Variants in GRIN2D observed in about 807,000 individuals in gnomAD.
GRIN2D encodes glutamate receptor ionotropic, NMDA 2D.
Under a neutral mutation model 103.2 loss-of-function variants are expected in GRIN2D, and 37 were observed. The ratio of observed to expected loss-of-function variants is 0.36; its 90% CI spans 0.28 to 0.47. The LOEUF (loss-of-function observed/expected upper bound fraction) is 0.47, where lower values mean the gene tolerates loss of function less well. Ranked by LOEUF, GRIN2D falls within the 20% of genes least tolerant of loss-of-function variation. GRIN2D has a pLI of 1.00. For synonymous variants in GRIN2D, 845 were observed against 885.6 expected (o/e 0.95, Z 0.81); for missense variants, 1,557 against 1,910.6 (o/e 0.81, Z 3.45).
intron 11 of GRIN2D, among the ~76,000 whole-genome samples, chr19:48,423,735 G>A (rs1488887426): frequency 6.6e-6 from 1 of 152,192 alleles, no homozygotes; most frequent in African/African-American, 2.4e-5. Flanking sequence ...ATGAGGCCAA[G>A]GTCAGGGCTG....
intron 11 of GRIN2D, among the ~76,000 whole-genome samples, chr19:48,425,254 T>A (rs981941720): frequency 1.3e-5 from 2 of 152,136 alleles, no homozygotes; most frequent in African/African-American, 4.8e-5. Context: ...CCCATTTTCT[T>A]TTTTTGAGAT....
chr19:48,444,110 G>C lies in GRIN2D; in HGVS notation c.*173G>C. 1 of 445,950 alleles carries C rather than the reference G, an allele frequency of 2.2e-6. No individual in the cohort carries two copies. Among genetic ancestry groups the C allele is most frequent in the Non-Finnish European group, 3.9e-6 (1 of 256,688 alleles). The allele number at this position is 445,950 out of a possible 1,614,324, so 27.6% of individuals were successfully genotyped here. A position where few individuals can be genotyped will look rare whatever the true frequency, so the allele number is the denominator to read the frequency against. On this transcript the variant is annotated 3_prime_UTR_variant, in exon 14 of 14. Transcript: ENST00000263269. This position sits in a 1 kb window ranked among gnomAD's most constrained non-coding sequence, Gnocchi z 5.5. ...TTCTGGAGGAACCGCAAGCCGGAGA[G>C]GATTTGGTCCCTCAACTATCACCCA...
rs187671288 is a variant in GRIN2D, at chr19:48,408,363, G to A, written c.1085+3010G>A. ...AAAAAAAAAAAAAAATCTGGGCGTG[G>A]TAGTGTGTGCCTGTAGTCCTAGCTA... is the stretch of plus-strand genomic sequence containing the variant. On this transcript the variant is annotated intron_variant, in intron 4 of 13. Coordinates refer to ENST00000263269, the MANE Select transcript of GRIN2D (RefSeq NM_000836.4). Among the ~76,000 whole-genome samples, 532 of 151,290 alleles carry A rather than the reference G, an allele frequency of 3.5e-3. 6 individuals carry two copies. The highest frequency in any genetic ancestry group is 6.8e-3 in the Middle Eastern group (2 of 294).
chr19:48,421,950 G>A lies in GRIN2D; in HGVS notation c.2252+5G>A. 6.2e-7 allele frequency: 1 copy of A among 1,613,094 alleles called. No individual in the cohort carries two copies. The highest frequency in any genetic ancestry group is 8.5e-7 in the Non-Finnish European group (1 of 1,179,454). On this transcript the variant is annotated splice_donor_5th_base_variant and intron_variant, in intron 11 of 13. Transcript: ENST00000263269. The surrounding 1 kb of genome is among the most constrained non-coding windows in gnomAD (Gnocchi z 4.8). ...GCTCACTCAGCTCAAGGCAGGGTCA[G>A]CGCAGACTCGGGCCGGGGGTGGGGG...
Position 48,443,499 on chromosome 19 carries a change from G to T in GRIN2D, c.3573G>T (p.Pro1191=). 1 of 1,358,732 alleles carries T rather than the reference G, an allele frequency of 7.4e-7. No homozygotes were observed. The allele number at this position is 1,358,732 out of a possible 1,614,324, so 84.2% of individuals were successfully genotyped here. The change falls in exon 14 of 14, where the codon CCG becomes CCT. Residue 1191 remains proline, a synonymous_variant. Coordinates refer to ENST00000263269, the MANE Select transcript of GRIN2D (RefSeq NM_000836.4). This position sits in a 1 kb window ranked among gnomAD's most constrained non-coding sequence, Gnocchi z 8.9. The part of the protein sequence containing the change: ...RHCASLELLP[P]PRHLSCSHDG... ...GCGCCAGCCTGGAGCTGCTGCCGCC[G>T]CCGCGCCATCTCAGCTGCTCGCACG...
rs752857170 is a variant in GRIN2D, at chr19:48,443,203, C to T, written c.3277C>T (p.Pro1093Ser). 15 of 1,224,362 alleles carry T rather than the reference C, an allele frequency of 1.2e-5. No individual in the cohort carries two copies. Among genetic ancestry groups the T allele is most frequent in the East Asian group, 3.5e-5 (1 of 28,730 alleles). The allele number at this position is 1,224,362 out of a possible 1,614,324, so 75.8% of individuals were successfully genotyped here. ...GGAGGGAPAA[P>S]PPCRAAPPPC... ...CGCAGGCGGAGGAGCCCCGGCCGCT[C>T]CGCCCCCGTGCCGCGCCGCGCCGCC... is the stretch of plus-strand genomic sequence containing the variant. Residue 1093 changes from proline (P) to serine (S), a missense_variant, in exon 14 of 14, where the codon CCG (proline) becomes TCG (serine). By Grantham distance (74) the Pro-to-Ser change is moderately conservative. This residue lies in a region of GRIN2D where 632 missense variants were observed against 572.8 expected (regional missense o/e 1.10). Coordinates refer to ENST00000263269, the MANE Select transcript of GRIN2D (RefSeq NM_000836.4). The surrounding 1 kb of genome is among the most constrained non-coding windows in gnomAD (Gnocchi z 8.9).
rs201492347 is a variant in GRIN2D at position 48,405,153 on chromosome 19, A to G, written c.885A>G (p.Pro295=). The change falls in exon 4 of 14, where the codon CCA becomes CCG. Residue 295 remains proline (P), a synonymous_variant. Coordinates refer to ENST00000263269, the MANE Select transcript of GRIN2D (RefSeq NM_000836.4). The surrounding 1 kb of genome is among the most constrained non-coding windows in gnomAD (Gnocchi z 5.1). ...CCCCTGGTGAGCCCCCTCTTCTGCC[A>G]GGAGGCGCCCCCCTGCCTGCCGGGC... ...SGAPGEPPLL[P]GGAPLPAGLF... The G allele has an allele frequency of 1.2e-4, 193 of 1,575,992 alleles. No homozygotes were observed. The East Asian group carries it at 4.4e-3, about 36-fold the overall frequency.
chr19:48,412,237 G>T (rs2147448139), intron 4 of GRIN2D, among the ~76,000 whole-genome samples: 1 of 151,976 alleles, frequency 6.6e-6, no homozygotes, highest in African/African-American at 2.4e-5. Context: ...GCTGAGGCAG[G>T]AGAATGGCGT....
rs1971016799 is a variant in GRIN2D, at chr19:48,421,090, T to A, written c.2092-695T>A. On this transcript the variant is annotated intron_variant, in intron 10 of 13. Coordinates refer to ENST00000263269, the MANE Select transcript of GRIN2D (RefSeq NM_000836.4). This position sits in a 1 kb window ranked among gnomAD's most constrained non-coding sequence, Gnocchi z 4.8. Reference sequence around the variant, plus strand: ...CATTTTTTAATGGAATGGAGTAGAATAGAATAGTTGCCTGCATCTTATGTA... The same window carrying A: ...CATTTTTTAATGGAATGGAGTAGAAAAGAATAGTTGCCTGCATCTTATGTA... Among the ~76,000 whole-genome samples, 1 of 152,142 alleles carries A rather than the reference T, an allele frequency of 6.6e-6. No individual in the cohort carries two copies.
Position 48,421,705 on chromosome 19 carries a change from C to T in GRIN2D, c.2092-80C>T. On this transcript the variant is annotated intron_variant, in intron 10 of 13. Transcript: ENST00000263269. This position sits in a 1 kb window ranked among gnomAD's most constrained non-coding sequence, Gnocchi z 4.8. ...TGGGACTGGGGTGTCTGCCAGATAGCGGGTGTGTCTCAGAATGGGTGATTT... is the reference window on the plus strand; with the variant it reads ...TGGGACTGGGGTGTCTGCCAGATAGTGGGTGTGTCTCAGAATGGGTGATTT... 7.8e-6 allele frequency: 9 copies of T among 1,154,604 alleles called. No individual in the cohort carries two copies. Among genetic ancestry groups the T allele is most frequent in the South Asian group, 5.4e-5 (4 of 74,518 alleles). The allele number at this position is 1,154,604 out of a possible 1,614,324, so 71.5% of individuals were successfully genotyped here.
At chr19:48,420,790 A>G (rs1971014058) in intron 10 of GRIN2D, among the ~76,000 whole-genome samples, 1 of 152,048 alleles carries the variant, frequency 6.6e-6, no homozygotes, top group Non-Finnish European at 1.5e-5. Flanking sequence ...TACGCCACAA[A>G]TAGAACTGAT....
At chr19:48,425,022 TTCTC>T (rs111577135) in intron 11 of GRIN2D, among the ~76,000 whole-genome samples, 12,048 of 148,646 alleles carry the variant, frequency 0.081, 779 homozygotes, top group African/African-American at 0.18. Context: ...AGATTCTCTC[TTCTC>T]TCTCTCTCTC....
At chr19:48,422,917 C>G (rs1971040583) in intron 11 of GRIN2D, among the ~76,000 whole-genome samples, 1 of 152,022 alleles carries the variant, frequency 6.6e-6, no homozygotes, top group Non-Finnish European at 1.5e-5. Context: ...ATAGTGAAAC[C>G]CCATCTCTAC....
intron 4 of GRIN2D, among the ~76,000 whole-genome samples, chr19:48,406,353 G>T (rs754766089): frequency 6.6e-6 from 1 of 152,216 alleles, no homozygotes; most frequent in South Asian, 2.1e-4. Context: ...TAGAAGAGGC[G>T]AACAGAGTTT....
chr19:48,443,141 T>A lies in GRIN2D; in HGVS notation c.3215T>A (p.Leu1072Gln). 1 of 992,140 alleles carries A rather than the reference T, an allele frequency of 1.0e-6. No individual in the cohort carries two copies. The highest frequency in any genetic ancestry group is 1.2e-6 in the Non-Finnish European group (1 of 836,970). The allele number at this position is 992,140 out of a possible 1,614,324, so 61.5% of individuals were successfully genotyped here. The change falls in exon 14 of 14, where the codon CTG becomes CAG. Residue 1072 changes from leucine to glutamine, a missense_variant. Transcript: ENST00000263269. This position sits in a 1 kb window ranked among gnomAD's most constrained non-coding sequence, Gnocchi z 8.9. ...TCGGACCCCGAGAGCCAACCCCTGC[T>A]GGGGCCAGGCGCGGGCGGCGCGGGG... ...PRSDPESQPL[L>Q]GPGAGGAGGT... is the part of the protein sequence containing the mutation.
At position 48,443,792 on chromosome 19, in the gene GRIN2D, G is replaced by A; in HGVS notation, c.3866G>A (p.Gly1289Glu). The A allele has an allele frequency of 6.8e-7, 1 of 1,469,472 alleles. No individual in the cohort carries two copies. The highest frequency in any genetic ancestry group is 8.9e-7 in the Non-Finnish European group (1 of 1,118,022). The allele number at this position is 1,469,472 out of a possible 1,614,324, so 91.0% of individuals were successfully genotyped here. ...PRAAPARRLT[G>E]PSRHARRCPH... ...GCCGCCCCTGCGCGCAGGCTTACCG[G>A]GCCCTCCCGCCACGCTCGCAGGTGT... Residue 1289 changes from glycine to glutamate, a missense_variant, in exon 14 of 14, where the codon GGG becomes GAG. Around this residue, in one of 7 missense-constraint regions of GRIN2D, gnomAD observed 88 missense variants for 84.3 expected, o/e 1.04. Coordinates refer to ENST00000263269, the MANE Select transcript of GRIN2D (RefSeq NM_000836.4). This position sits in a 1 kb window ranked among gnomAD's most constrained non-coding sequence, Gnocchi z 8.9.
chr19:48,417,688 G>A (rs1188177467), intron 8 of GRIN2D, among the ~76,000 whole-genome samples: 1 of 152,202 alleles, frequency 6.6e-6, no homozygotes, highest in Non-Finnish European at 1.5e-5. Flanking sequence ...CTGCAGAGGA[G>A]TGACAAGGTC....
chr19:48,426,224 C>CTTTCTTTTTTTT (rs1555893889), intron 11 of GRIN2D, among the ~76,000 whole-genome samples: 1 of 120,116 alleles, frequency 8.3e-6, no homozygotes, highest in African/African-American at 3.6e-5. Flanking sequence ...TTCTTTCTTT[C>CTTTCTTTTTTTT]TTTTTTTTTT....
At chr19:48,395,567 G>A (rs1005868445) in intron 2 of GRIN2D, among the ~76,000 whole-genome samples, 1 of 152,038 alleles carries the variant, frequency 6.6e-6, no homozygotes, top group Non-Finnish European at 1.5e-5. Context: ...GTTGTGGGGG[G>A]AGCTGTTGAT....
Sources: allele counts gnomAD v4.1 joint callset (sites outside exome capture counted in the v4.1 genomes callset), GRCh38; gene constraint gnomAD v4.1.1; regional missense constraint gnomAD v4.1.1; non-coding constraint Gnocchi (gnomAD v3.1); transcripts MANE v1.5; gene names NCBI Gene and HGNC (gene_info 2026-07-23, HGNC 2026-07-21).